PZP: variants seen among roughly 807,000 people sequenced by gnomAD.
PZP encodes PZP alpha-2-macroglobulin like.
PZP carries 150 observed loss-of-function variants against 179.8 expected under a neutral mutation model. The observed-to-expected ratio is 0.83, with a 90% CI of 0.73 to 0.96. The LOEUF is 0.96. PZP is among the 40% of genes least tolerant of loss of function. PZP has a pLI of 0.00. For missense variants in PZP, 1,689 were observed against 1,764.0 expected (o/e 0.96, Z 0.76); for synonymous variants, 624 against 652.3 (o/e 0.96, Z 0.66).
chr12:9,170,390 G>A lies in PZP; in HGVS notation c.1840-799C>T, dbSNP rs1022200901. Among the ~76,000 whole-genome samples, 1 of 152,186 alleles carries A rather than the reference G, an allele frequency of 6.6e-6. No individual in the cohort carries two copies. Among genetic ancestry groups the A allele is most frequent in the African/African-American group, 2.4e-5 (1 of 41,446 alleles). ...GCTGCTCAGGCACACAGAAACCCTG[G>A]AGTTTTACATAATCCGGCCCTGGGA... is the stretch of plus-strand genomic sequence containing the variant. On this transcript the variant is annotated intron_variant, in intron 15 of 35. Coordinates refer to ENST00000261336, the MANE Select transcript of PZP (RefSeq NM_002864.3). This position sits in a 1 kb window ranked among gnomAD's most constrained non-coding sequence, Gnocchi z 4.6.
At chr12:9,164,998 C>T (rs1304718097) in intron 19 of PZP, 141 bp downstream of exon 19, 3 of 1,038,976 alleles carry the variant, frequency 2.9e-6, no homozygotes, top group Admixed American at 2.3e-5. Context: ...TCATGTCCTG[C>T]TTTGCATAGC....
chr12:9,150,578 T>C (rs1940278214), intron 34 of PZP, 66 bp downstream of exon 34: 2 of 1,067,956 alleles, frequency 1.9e-6, no homozygotes, highest in South Asian at 2.7e-5. Context: ...AAGAAGAGGA[T>C]CAACTGTCAC....
rs1380140364 is a variant in PZP, at chr12:9,197,070, T to G, written c.809A>C (p.Lys270Thr). ...PGLATVSLCR[K>T]LSRVLNCDKQ... is the part of the protein sequence containing the mutation. Reference sequence around the variant, plus strand: ...GTCACAATTAAGAACACGAGATAATTTTCTACACAGGCTCACAGTTGCAAG... The same window carrying G: ...GTCACAATTAAGAACACGAGATAATGTTCTACACAGGCTCACAGTTGCAAG... The change falls in exon 8 of 36, where the codon AAA (lysine) becomes ACA (threonine). Residue 270 changes from lysine (K) to threonine (T), a missense_variant. Physicochemically the swap from Lys to Thr is moderately conservative, Grantham distance 78. This residue lies in a region of PZP where 742 missense variants were observed against 730.5 expected (regional missense o/e 1.02). Coordinates refer to ENST00000261336, the MANE Select transcript of PZP (RefSeq NM_002864.3). 13 of 1,613,500 alleles carry G rather than the reference T, an allele frequency of 8.1e-6. No homozygotes were observed. Among genetic ancestry groups the G allele is most frequent in the Non-Finnish European group, 1.1e-5 (13 of 1,179,790 alleles).
At position 9,169,555 on chromosome 12, in the gene PZP, A is replaced by G. The variant is rs1323896824; in HGVS notation, c.1876T>C (p.Phe626Leu). ...TCCTGCTGGTCCACATTGTCAGGAAAATTGGTGAGATCCTTCACAGTTAGC... is the reference window on the plus strand; with the variant it reads ...TCCTGCTGGTCCACATTGTCAGGAAGATTGGTGAGATCCTTCACAGTTAGC... ...NLLTVKDLTN[F>L]PDNVDQQEEE... The change falls in exon 16 of 36, where the codon TTT (phenylalanine) becomes CTT (leucine). Residue 626 changes from phenylalanine to leucine, a missense_variant. This residue lies in a region of PZP where 201 missense variants were observed against 284.2 expected (regional missense o/e 0.71). Transcript: ENST00000261336. The G allele has an allele frequency of 6.2e-7, 1 of 1,612,778 alleles. No individual in the cohort carries two copies. The highest frequency in any genetic ancestry group is 8.5e-7 in the Non-Finnish European group (1 of 1,179,558).
chr12:9,160,902 G>A (rs1487522048), intron 23 of PZP, 131 bp downstream of exon 23: 14 of 782,774 alleles, frequency 1.8e-5, no homozygotes, highest in African/African-American at 8.7e-5. Flanking sequence ...GCGACAGAGC[G>A]AGACTCCATC....
chr12:9,149,506 C>T, intron 35 of PZP, 55 bp downstream of exon 35: 2 of 1,506,398 alleles, frequency 1.3e-6, no homozygotes, highest in African/African-American at 1.4e-5. Flanking sequence ...TTGCAGGGGC[C>T]CTTGGAGAGT....
chr12:9,139,355 C>A, the PZP span, among the ~76,000 whole-genome samples: 2 of 152,084 alleles, frequency 1.3e-5, no homozygotes, highest in East Asian at 3.9e-4. Flanking sequence ...TGTGACTTAT[C>A]CTGGGGAAGG....
In PZP at chr12:9,149,594, C is replaced by T; in HGVS notation, c.4393G>A (p.Val1465Met). 6.2e-7 allele frequency: 1 copy of T among 1,612,896 alleles called. No individual in the cohort carries two copies. The highest frequency in any genetic ancestry group is 1.7e-5 in the Admixed American group (1 of 59,932). Residue 1465 changes from valine (V) to methionine (M), a missense_variant, in exon 35 of 36, where the codon GTG becomes ATG. By Grantham distance (21) the Val-to-Met change is conservative. Transcript: ENST00000261336. ...VYDYYETDES[V>M]VAEYIAPCST... is the part of the protein sequence containing the mutation. ...CAGGGGGCGATATACTCAGCAACCA[C>T]AGACTCATCTGAAAGATAACGTTGG...
downstream of PZP, among the ~76,000 whole-genome samples, chr12:9,145,568 A>G (rs1939968848): frequency 1.3e-5 from 2 of 152,218 alleles, no homozygotes; most frequent in African/African-American, 4.8e-5. Flanking sequence ...AACTGGAAGT[A>G]AAAGTGACTT....
At chr12:9,185,152 T>G (rs1943023264) in intron 13 of PZP, among the ~76,000 whole-genome samples, 2 of 152,200 alleles carry the variant, frequency 1.3e-5, no homozygotes, top group Non-Finnish European at 2.9e-5. Context: ...AGGAGAATGT[T>G]GAAACCTAAT....
At position 9,154,602 on chromosome 12, in the gene PZP, T is replaced by G. The variant is rs762252697; in HGVS notation, c.3774+14A>C. ...AGTGAACCTGGAGCAGAAGACTCTT[T>G]GGGAACCACTGACCTGGGTGGAGGA... On this transcript the variant is annotated intron_variant, in intron 29 of 35. Transcript: ENST00000261336. 8.1e-6 allele frequency: 13 copies of G among 1,611,918 alleles called. No homozygotes were observed. In the African/African-American group the frequency reaches 1.7e-4, roughly 22 times the overall value.
At chr12:9,168,671 C>T (rs7964970) in intron 17 of PZP, 198 bp downstream of exon 17, 312,706 of 483,280 alleles carry the variant, frequency 0.65, 103,877 homozygotes, top group East Asian at 0.84. Flanking sequence ...CCTGAAGTAT[C>T]GGATGTATCT....
rs779509523 is a variant in PZP, at chr12:9,182,061, G to T, written c.1603C>A (p.Arg535=). The change falls in exon 14 of 36, where the codon CGA becomes AGA. Residue 535 remains arginine (R), a synonymous_variant. Transcript: ENST00000261336. ...GGTAAAATGGCAAAGATGAACATTCGTGCAATGGGGGCAACGTCTGACTCC... is the reference window on the plus strand; with the variant it reads ...GGTAAAATGGCAAAGATGAACATTCTTGCAATGGGGGCAACGTCTGACTCC... ...PVESDVAPIA[R]MFIFAILPDG... is the part of the protein sequence containing the mutation. 1.9e-6 allele frequency: 3 copies of T among 1,613,658 alleles called. No homozygotes were observed. The highest frequency in any genetic ancestry group is 1.3e-5 in the African/African-American group (1 of 74,862).
chr12:9,202,718 C>A (rs1944236151), intron 2 of PZP, 34 bp from the exon 3 acceptor site: 2 of 1,590,024 alleles, frequency 1.3e-6, no homozygotes, highest in Non-Finnish European at 1.7e-6. Context: ...TACTGAGGAA[C>A]TGTGCAGTCT....
chr12:9,199,008 G>A (rs1234857574), intron 7 of PZP, among the ~76,000 whole-genome samples: 1 of 152,146 alleles, frequency 6.6e-6, no homozygotes, highest in African/African-American at 2.4e-5. Flanking sequence ...AAAAGGAACT[G>A]TAAGAGGTAT....
intron 27 of PZP, 46 bp downstream of exon 27, chr12:9,157,721 A>G (rs772550532): frequency 6.4e-7 from 1 of 1,558,208 alleles, no homozygotes; most frequent in Non-Finnish European, 8.9e-7. Flanking sequence ...CCAGACAGCA[A>G]ATCTACAGTT....
chr12:9,200,983 G>T lies in PZP; in HGVS notation c.579C>A (p.Leu193=). The T allele has an allele frequency of 6.2e-7, 1 of 1,614,124 alleles. No individual in the cohort carries two copies. The highest frequency in any genetic ancestry group is 1.3e-5 in the African/African-American group (1 of 75,046). ...EAGINQLSFP[L]SSEPIQGSYR... is the part of the protein sequence containing the mutation. ...AGGAGCCCTGAATGGGCTCTGATGA[G>T]AGGGGAAAGGACAACTGATTGATGC... The change falls in exon 6 of 36, where the codon CTC becomes CTA. Residue 193 remains leucine (L), a synonymous_variant. Coordinates refer to ENST00000261336, the MANE Select transcript of PZP (RefSeq NM_002864.3).
chr12:9,197,636 ATTATAT>A, intron 7 of PZP, among the ~76,000 whole-genome samples: 1 of 68,748 alleles, frequency 1.5e-5, no homozygotes, highest in African/African-American at 6.1e-5. Flanking sequence ...TATATTATAT[ATTATAT>A]TATATAATAT....
chr12:9,159,908 T>A, intron 25 of PZP, 30 bp downstream of exon 25: 1 of 1,564,434 alleles, frequency 6.4e-7, no homozygotes, highest in Non-Finnish European at 8.8e-7. Flanking sequence ...GAACTCATAG[T>A]TGAAACTCAG....
Sources: allele counts gnomAD v4.1 joint callset (sites outside exome capture counted in the v4.1 genomes callset), GRCh38; gene constraint gnomAD v4.1.1; regional missense constraint gnomAD v4.1.1; non-coding constraint Gnocchi (gnomAD v3.1); transcripts MANE v1.5; gene names NCBI Gene and HGNC (gene_info 2026-07-23, HGNC 2026-07-21).